Variants in DUSP13B observed in about 807,000 individuals in gnomAD.
DUSP13B encodes dual specificity phosphatase 13B.
the DUSP13B span, chr10:75,105,851 A>G: frequency 6.4e-7 from 1 of 1,550,402 alleles, no homozygotes; most frequent in Non-Finnish European, 8.7e-7. Context: ...CCCACCACAC[A>G]GTGCACCAGG....
the DUSP13B span, among the ~76,000 whole-genome samples, chr10:75,106,637 T>C: frequency 1.3e-5 from 2 of 152,216 alleles, no homozygotes; most frequent in East Asian, 3.9e-4. Context: ...CCCTCCACAC[T>C]GGCCCACTCT....
the DUSP13B span, chr10:75,108,963 C>T: frequency 1.9e-5 from 30 of 1,551,124 alleles, no homozygotes; most frequent in Middle Eastern, 3.5e-4. Flanking sequence ...CAAGAACTGC[C>T]TCTCCACGTC....
At chr10:75,097,817 T>C in the DUSP13B span, 2 of 1,613,766 alleles carry the variant, frequency 1.2e-6, no homozygotes, top group Non-Finnish European at 1.7e-6. Context: ...GGGCGGCTGG[T>C]AGGGAGATGC....
the DUSP13B span, among the ~76,000 whole-genome samples, chr10:75,097,349 C>A: frequency 6.6e-6 from 1 of 152,146 alleles, no homozygotes; most frequent in Non-Finnish European, 1.5e-5. Flanking sequence ...GCTGTGATTG[C>A]AGGCGTCCAC....
the DUSP13B span, chr10:75,097,621 C>A: frequency 7.5e-7 from 1 of 1,327,002 alleles, no homozygotes; most frequent in Admixed American, 2.6e-5. Context: ...CACCTCTGCC[C>A]TAGAGGGCTC....
At chr10:75,099,312 C>A in the DUSP13B span, 1 of 1,232,326 alleles carries the variant, frequency 8.1e-7, no homozygotes, top group Admixed American at 4.2e-5. Context: ...AGGAGGCTGC[C>A]GGCTTGGCCA....
At chr10:75,095,281 C>T in the DUSP13B span, among the ~76,000 whole-genome samples, 3 of 152,174 alleles carry the variant, frequency 2.0e-5, no homozygotes, top group Non-Finnish European at 2.9e-5. Flanking sequence ...CTTAGAGGAA[C>T]CCGCTCAAGA....
At chr10:75,100,446 C>T in the DUSP13B span, among the ~76,000 whole-genome samples, 1 of 152,142 alleles carries the variant, frequency 6.6e-6, no homozygotes, top group Non-Finnish European at 1.5e-5. Flanking sequence ...TCCTTTAAGC[C>T]CCAGTCCCTC....
chr10:75,094,436 T>C, the DUSP13B span: 1 of 535,852 alleles, frequency 1.9e-6, no homozygotes, highest in Admixed American at 3.3e-5. Context: ...ATCACCTGTC[T>C]TTATGACGAT....
chr10:75,097,831 G>A, the DUSP13B span: 1 of 1,613,670 alleles, frequency 6.2e-7, no homozygotes, highest in Non-Finnish European at 8.5e-7. Context: ...GAGATGCCTG[G>A]ACTGCCCCAT....
At chr10:75,104,359 G>C in the DUSP13B span, among the ~76,000 whole-genome samples, 1 of 152,174 alleles carries the variant, frequency 6.6e-6, no homozygotes, top group Non-Finnish European at 1.5e-5. Flanking sequence ...TGGCTGCACA[G>C]GCTGCACACT....
chr10:75,109,115 C>T, the DUSP13B span: 1 of 1,611,086 alleles, frequency 6.2e-7, no homozygotes, highest in Non-Finnish European at 8.5e-7. Context: ...CAAGGCGTGG[C>T]TTTGTCCTCT....
chr10:75,105,729 T>C, the DUSP13B span: 19 of 1,554,340 alleles, frequency 1.2e-5, no homozygotes, highest in African/African-American at 2.2e-4. Flanking sequence ...GCAGGAAGCC[T>C]CGGTTGGGGA....
chr10:75,098,594 T>G, the DUSP13B span, among the ~76,000 whole-genome samples: 1 of 152,090 alleles, frequency 6.6e-6, no homozygotes, highest in Admixed American at 6.5e-5. Context: ...AAATCCTGTC[T>G]CTACCAAAAA....
the DUSP13B span, chr10:75,099,135 T>C: frequency 8.1e-7 from 1 of 1,232,206 alleles, no homozygotes; most frequent in African/African-American, 1.6e-5. Context: ...GGAGCTGGAT[T>C]TTCAGCGGCA....
At chr10:75,108,077 T>C in the DUSP13B span, 1 of 1,613,830 alleles carries the variant, frequency 6.2e-7, no homozygotes, top group African/African-American at 1.3e-5. Context: ...GGTCGTGGGC[T>C]GGCACCCCCA....
chr10:75,104,815 G>C, the DUSP13B span, among the ~76,000 whole-genome samples: 1 of 152,072 alleles, frequency 6.6e-6, no homozygotes, highest in African/African-American at 2.4e-5. Context: ...CACAGGGGAA[G>C]GGGTCGATGC....
At chr10:75,099,143 G>A in the DUSP13B span, 1 of 1,232,280 alleles carries the variant, frequency 8.1e-7, no homozygotes, top group Non-Finnish European at 1.0e-6. Flanking sequence ...ATTTTCAGCG[G>A]CACCAGAATA....
the DUSP13B span, chr10:75,094,484 G>C: frequency 3.3e-6 from 2 of 604,228 alleles, no homozygotes; most frequent in South Asian, 4.0e-5. Flanking sequence ...ACTCACTTTT[G>C]CATAAAGAAT....
Sources: gnomAD v4.1 joint callset for allele counts (sites outside exome capture counted in the v4.1 genomes callset) on GRCh38, gnomAD v4.1.1 for gene constraint, MANE v1.5 for transcripts, NCBI Gene and HGNC (gene_info 2026-07-23, HGNC 2026-07-21) for gene names.